Variants in SLAIN1 observed in about 807,000 individuals in gnomAD.
The protein encoded by SLAIN1 is SLAIN family member 1, also known as SLAIN motif-containing protein 1.
SLAIN1 carries 17 observed loss-of-function variants against 55.4 expected under a neutral mutation model. That is an observed-to-expected ratio of 0.31 (90% CI 0.21 to 0.46). The LOEUF (loss-of-function observed/expected upper bound fraction) is 0.46. SLAIN1 is among the 20% of genes least tolerant of loss of function. The pLI, the probability that SLAIN1 is intolerant of heterozygous loss-of-function variation, is 1.00. For synonymous variants in SLAIN1, 348 were observed against 337.4 expected (o/e 1.03, Z -0.35); for missense variants, 682 against 785.1 (o/e 0.87, Z 1.57).
chr13:77,701,738 CT>C (rs1420184522), intron 1 of SLAIN1, among the ~76,000 whole-genome samples: 1 of 151,302 alleles, frequency 6.6e-6, no homozygotes, highest in Non-Finnish European at 1.5e-5. Context: ...TGAATTCTTT[CT>C]TTCTTTCTTT....
intron 6 of SLAIN1, among the ~76,000 whole-genome samples, chr13:77,761,780 T>G (rs1349853776): frequency 6.6e-6 from 1 of 152,148 alleles, no homozygotes; most frequent in East Asian, 1.9e-4. Flanking sequence ...GGACATTTAG[T>G]CTAGCTCTTG....
chr13:77,718,692 G>C (rs1354681643), intron 1 of SLAIN1, among the ~76,000 whole-genome samples: 1 of 152,132 alleles, frequency 6.6e-6, no homozygotes, highest in African/African-American at 2.4e-5. Context: ...ATAGTAGTAA[G>C]GTGTCACGTA....
intron 3 of SLAIN1, 51 bp downstream of exon 3, chr13:77,744,483 A>G (rs1167760490): frequency 6.2e-7 from 1 of 1,601,844 alleles, no homozygotes; most frequent in African/African-American, 1.3e-5. Flanking sequence ...TGGAATATAC[A>G]GGCAGAGGGG....
intron 2 of SLAIN1, chr13:77,741,369 T>C (rs1873425493): frequency 1.9e-5 from 19 of 987,298 alleles, no homozygotes; most frequent in Non-Finnish European, 2.3e-5. Flanking sequence ...CAAGTTGACC[T>C]ACATAGAAGA....
intron 2 of SLAIN1, among the ~76,000 whole-genome samples, chr13:77,736,578 T>C (rs1052427970): frequency 3.3e-5 from 5 of 152,070 alleles, no homozygotes; most frequent in Non-Finnish European, 5.9e-5. Context: ...AAAACATTTA[T>C]AGCCAAATCT....
At chr13:77,760,064 T>C (rs1467682011) in intron 5 of SLAIN1, among the ~76,000 whole-genome samples, 1 of 152,234 alleles carries the variant, frequency 6.6e-6, no homozygotes, top group Non-Finnish European at 1.5e-5. Flanking sequence ...TGTTTAACCA[T>C]GTTGCCAGTA....
intron 2 of SLAIN1, among the ~76,000 whole-genome samples, chr13:77,734,902 C>A (rs569102608): frequency 1.3e-5 from 2 of 152,064 alleles, no homozygotes; most frequent in South Asian, 2.1e-4. Flanking sequence ...TGTCTGTAGT[C>A]CCAGCTACTC....
Position 77,698,856 on chromosome 13 carries a change from T to A in SLAIN1, c.626+317T>A, listed in dbSNP as rs2091001308. On this transcript the variant is annotated intron_variant, in intron 1 of 6. Transcript: ENST00000418532. This position sits in a 1 kb window ranked among gnomAD's most constrained non-coding sequence, Gnocchi z 4.1. ...CTCCTCGTTAGCATTAAGTGCAAAA[T>A]CCATGTCATCTTGTCTTTTTGCTCA... 6.6e-7 allele frequency: 1 copy of A among 1,506,802 alleles called. No homozygotes were observed. The highest frequency in any genetic ancestry group is 2.5e-5 in the East Asian group (1 of 40,382). The allele number at this position is 1,506,802 out of a possible 1,614,324, so 93.3% of individuals were successfully genotyped here.
intron 1 of SLAIN1, among the ~76,000 whole-genome samples, chr13:77,713,291 A>G (rs546575546): frequency 1.3e-5 from 2 of 152,298 alleles, no homozygotes; most frequent in African/African-American, 4.8e-5. Context: ...ACAAAGCGCT[A>G]ATATCCAGAA....
intron 1 of SLAIN1, among the ~76,000 whole-genome samples, chr13:77,702,459 T>C (rs1350782823): frequency 6.6e-6 from 1 of 152,128 alleles, no homozygotes; most frequent in Non-Finnish European, 1.5e-5. Context: ...TTAAGATTTA[T>C]ATTTGTCCTA....
At chr13:77,742,280 A>C (rs542057027) in intron 2 of SLAIN1, among the ~76,000 whole-genome samples, 41 of 152,142 alleles carry the variant, frequency 2.7e-4, no homozygotes, top group African/African-American at 7.7e-4. Context: ...GTATATTCCT[A>C]CCTTGAAAAG....
intron 1 of SLAIN1, among the ~76,000 whole-genome samples, chr13:77,706,481 AT>A (rs372292017): frequency 4.6e-5 from 7 of 152,214 alleles, no homozygotes; most frequent in African/African-American, 1.7e-4. Context: ...GGTCATACAC[AT>A]TTGGCAGTCT....
intron 5 of SLAIN1, among the ~76,000 whole-genome samples, chr13:77,755,569 G>T (rs1874540623): frequency 6.6e-6 from 1 of 152,106 alleles, no homozygotes; most frequent in Non-Finnish European, 1.5e-5. Flanking sequence ...GAACCAAGTT[G>T]AAGGAACCTC....
At chr13:77,745,095 G>A (rs1445600340) in intron 3 of SLAIN1, among the ~76,000 whole-genome samples, 1 of 152,074 alleles carries the variant, frequency 6.6e-6, no homozygotes, top group Non-Finnish European at 1.5e-5. Flanking sequence ...AGGGTCTCAA[G>A]AGGGTCTCGA....
At chr13:77,750,353 A>G (rs2154410665) in intron 4 of SLAIN1, among the ~76,000 whole-genome samples, 1 of 152,260 alleles carries the variant, frequency 6.6e-6, no homozygotes, top group African/African-American at 2.4e-5. Context: ...TTTTCTCAAT[A>G]GCATATAATT....
At chr13:77,750,251 G>T (rs1874116323) in intron 4 of SLAIN1, among the ~76,000 whole-genome samples, 1 of 152,078 alleles carries the variant, frequency 6.6e-6, no homozygotes, top group East Asian at 1.9e-4. Flanking sequence ...AGGTGTTTAT[G>T]ATACTATTTT....
intron 1 of SLAIN1, among the ~76,000 whole-genome samples, chr13:77,714,767 C>A (rs549387715): frequency 6.6e-6 from 1 of 152,254 alleles, no homozygotes; most frequent in Non-Finnish European, 1.5e-5. Context: ...GAAATCATGA[C>A]CACAGTTAAT....
chr13:77,752,238 A>G (rs546247929), intron 4 of SLAIN1, among the ~76,000 whole-genome samples: 1 of 146,802 alleles, frequency 6.8e-6, no homozygotes, highest in East Asian at 2.0e-4. Context: ...TTCCATTTTG[A>G]TATGGTAGCA....
intron 5 of SLAIN1, among the ~76,000 whole-genome samples, chr13:77,759,339 T>G (rs1418222963): frequency 6.6e-6 from 1 of 152,128 alleles, no homozygotes; most frequent in Non-Finnish European, 1.5e-5. Context: ...TGGATGAATC[T>G]TCAGGGTTTT....
Sources: gnomAD v4.1 joint callset for allele counts (sites outside exome capture counted in the v4.1 genomes callset) on GRCh38, gnomAD v4.1.1 for gene constraint, Gnocchi (gnomAD v3.1) non-coding constraint, MANE v1.5 for transcripts, NCBI Gene and HGNC (gene_info 2026-07-23, HGNC 2026-07-21) for gene names.